Variants in ZFP62 observed in about 807,000 individuals in gnomAD.
ZFP62 encodes zinc finger protein 62 homolog.
In ZFP62, 44 loss-of-function variants were observed where a neutral mutation model predicts 56.4. The observed-to-expected ratio is 0.78, with a 90% CI of 0.61 to 1.00. The LOEUF (loss-of-function observed/expected upper bound fraction) is 1.00. ZFP62 is among the 50% of genes least tolerant of loss of function. The probability of loss-of-function intolerance (pLI) is 0.00; values close to 1 mark genes in which losing one functional copy is unlikely to be tolerated. For missense variants in ZFP62, 1,030 were observed against 1,085.7 expected (o/e 0.95, Z 0.72); for synonymous variants, 421 against 388.9 (o/e 1.08, Z -0.97).
chr5:180,845,119 G>A (rs926498234), downstream of ZFP62, among the ~76,000 whole-genome samples: 1 of 151,906 alleles, frequency 6.6e-6, no homozygotes, highest in African/African-American at 2.4e-5. Flanking sequence ...GATTACTTGA[G>A]GTCAGGAGTT....
chr5:180,851,250 T>C lies in ZFP62; in HGVS notation c.245A>G (p.Lys82Arg), dbSNP rs971900727. ...ISKAKSTANI[K>R]TEQEGEASEK... ...AGATGCCTCACCTTCCTGTTCTGTC[T>C]TTATATTTGCTGTACTCTTGGCTTT... The change falls in exon 2 of 2, where the codon AAG becomes AGG. Residue 82 changes from lysine to arginine, a missense_variant. Physicochemically the swap from Lys to Arg is conservative, Grantham distance 26 (BLOSUM62 2). Coordinates refer to ENST00000502412, the MANE Select transcript of ZFP62 (RefSeq NM_001172638.2). The C allele has an allele frequency of 1.4e-5, 21 of 1,551,556 alleles. No homozygotes were observed. Among genetic ancestry groups the C allele is most frequent in the Non-Finnish European group, 1.7e-5 (19 of 1,146,996 alleles).
intron 1 of ZFP62, among the ~76,000 whole-genome samples, chr5:180,853,045 A>G (rs1468762294): frequency 6.6e-6 from 1 of 152,218 alleles, no homozygotes; most frequent in Non-Finnish European, 1.5e-5. Flanking sequence ...TCAAAACTAC[A>G]TATGCATTTA....
At position 180,850,754 on chromosome 5, in the gene ZFP62, G is replaced by A. The variant is rs1401090323; in HGVS notation, c.741C>T (p.His247=). 6.2e-7 allele frequency: 1 copy of A among 1,606,004 alleles called. No individual in the cohort carries two copies. The highest frequency in any genetic ancestry group is 8.5e-7 in the Non-Finnish European group (1 of 1,176,022). The change falls in exon 2 of 2, where the codon CAC becomes CAT. Residue 247 remains histidine (H), a synonymous_variant. Transcript: ENST00000502412. The stretch of plus-strand genomic sequence containing the variant: ...CACATTCATAGGGCTTCTCCCCAGT[G>A]TGGATCCTTTTATGCTGGTCCAGAA... ...SSVLDQHKRI[H]TGEKPYECGE...
chr5:180,846,486 T>A (rs1581955485), downstream of ZFP62, among the ~76,000 whole-genome samples: 1 of 152,340 alleles, frequency 6.6e-6, no homozygotes, highest in Middle Eastern at 3.4e-3. Context: ...TCCCCACGAC[T>A]ACGGGGAACG....
At chr5:180,836,367 C>T in the ZFP62 span, among the ~76,000 whole-genome samples, 1 of 152,218 alleles carries the variant, frequency 6.6e-6, no homozygotes, top group Non-Finnish European at 1.5e-5. Context: ...CCTCTTTCAG[C>T]TTCCGGTGGC....
the ZFP62 span, among the ~76,000 whole-genome samples, chr5:180,838,513 GGTA>G: frequency 1.3e-5 from 2 of 152,350 alleles, no homozygotes; most frequent in East Asian, 3.9e-4. Context: ...CTGAGCATTA[GGTA>G]GTAGTAATGA....
chr5:180,842,329 TGAGAA>T, the ZFP62 span, among the ~76,000 whole-genome samples: 1 of 152,116 alleles, frequency 6.6e-6, no homozygotes, highest in African/African-American at 2.4e-5. Context: ...ACACAATGGC[TGAGAA>T]TTTACCAAAA....
At chr5:180,843,763 C>G (rs1773361319), downstream of ZFP62, among the ~76,000 whole-genome samples, 1 of 152,170 alleles carries the variant, frequency 6.6e-6, no homozygotes, top group African/African-American at 2.4e-5. Context: ...CAACGTATTA[C>G]AATCTAATGG....
At chr5:180,835,513 ACTTTGGTCTTAAGCAATTTTCTTCCT>A in the ZFP62 span, 1 of 152,174 alleles carries the variant, frequency 6.6e-6, no homozygotes, top group Non-Finnish European at 1.5e-5. Context: ...AATAACTATG[ACTTTGGTCTTAAGCAATTTTCTTCCT>A]CTGTGGATTG....
In ZFP62 at chr5:180,849,599, A is replaced by C; in HGVS notation, c.1896T>G (p.Leu632=). 6.4e-7 allele frequency: 1 copy of C among 1,552,012 alleles called. No homozygotes were observed. The highest frequency in any genetic ancestry group is 1.2e-5 in the South Asian group (1 of 84,060). The change falls in exon 2 of 2, where the codon CTT becomes CTG. Residue 632 remains leucine, a synonymous_variant. Transcript: ENST00000502412. ...CEKSFNYTSL[L]SQHRRVHTRE... The stretch of plus-strand genomic sequence containing the variant: ...TAGTGTGGACCCTTCTGTGCTGAGA[A>C]AGGAGCGATGTGTAATTAAAAGATT...
In ZFP62 at chr5:180,848,778, G is replaced by T; in HGVS notation, c.*14C>A. 6.7e-7 allele frequency: 1 copy of T among 1,493,194 alleles called. No homozygotes were observed. Among genetic ancestry groups the T allele is most frequent in the Non-Finnish European group, 8.9e-7 (1 of 1,118,408 alleles). 92.5% of individuals were successfully genotyped at this position (1,493,194 alleles called of 1,614,324 possible). On this transcript the variant is annotated 3_prime_UTR_variant, in exon 2 of 2. Coordinates refer to ENST00000502412, the MANE Select transcript of ZFP62 (RefSeq NM_001172638.2). ...TTCCATTTGAGTTCGGAGAGACTTG[G>T]TAAGCTCTGCCTGCTACAGAGGCAT...
rs1199294180 is a variant in ZFP62 at position 180,851,166 on chromosome 5, T to C, written c.329A>G (p.Gln110Arg). 2 of 1,551,754 alleles carry C rather than the reference T, an allele frequency of 1.3e-6. No individual in the cohort carries two copies. Among genetic ancestry groups the C allele is most frequent in the East Asian group, 2.4e-5 (1 of 40,930 alleles). ...HITHQTMPIG[Q>R]RGSEQGKRVE... Reference sequence around the variant, plus strand: ...ACGTTTGCCTTGCTCACTGCCTCTCTGTCCTATAGGCATAGTCTGGTGTGT... The same window carrying C: ...ACGTTTGCCTTGCTCACTGCCTCTCCGTCCTATAGGCATAGTCTGGTGTGT... The change falls in exon 2 of 2, where the codon CAG becomes CGG. Residue 110 changes from glutamine (Q) to arginine (R), a missense_variant. Transcript: ENST00000502412.
In ZFP62 at chr5:180,861,200, C is replaced by T; in HGVS notation, c.1+19G>A. On this transcript the variant is annotated intron_variant, in intron 1 of 1. Transcript: ENST00000502412. ...CAAGGGCCGGGGGCGGGAGCGCGGG[C>T]GGCCGCGGACTCACGTACTGGCTGT... is the stretch of plus-strand genomic sequence containing the variant. 2.5e-6 allele frequency: 1 copy of T among 398,300 alleles called. No individual in the cohort carries two copies. Among genetic ancestry groups the T allele is most frequent in the Non-Finnish European group, 4.4e-6 (1 of 225,792 alleles). The allele number at this position is 398,300 out of a possible 1,614,324, so 24.7% of individuals were successfully genotyped here. A position where few individuals can be genotyped will look rare whatever the true frequency, so the allele number is the denominator to read the frequency against.
chr5:180,850,746 TC>T lies in ZFP62; in HGVS notation c.748del (p.Glu250ArgfsTer132). On this transcript the variant is annotated frameshift_variant, in exon 2 of 2. Transcript: ENST00000502412. LOFTEE classifies it high-confidence loss of function. ...ACACTCACCACATTCATAGGGCTTC[TC>T]CCCAGTGTGGATCCTTTTATGCTGG... ...LDQHKRIHTG[E>X]KPYECGECGK... 1 of 1,606,784 alleles carries T rather than the reference TC, an allele frequency of 6.2e-7. No homozygotes were observed. Among genetic ancestry groups the T allele is most frequent in the Non-Finnish European group, 8.5e-7 (1 of 1,176,412 alleles).
chr5:180,831,466 C>T, the ZFP62 span: 1 of 151,686 alleles, frequency 6.6e-6, no homozygotes, highest in African/African-American at 2.4e-5. Flanking sequence ...GGCTGGAGGG[C>T]AATGGCGCCG....
chr5:180,855,120 A>C (rs1773901953), intron 1 of ZFP62, among the ~76,000 whole-genome samples: 1 of 152,246 alleles, frequency 6.6e-6, no homozygotes, highest in African/African-American at 2.4e-5. Flanking sequence ...AATTACCTAC[A>C]AATGGTTTAG....
In ZFP62 at chr5:180,849,040, T is replaced by C. The variant is rs1465406804; in HGVS notation, c.2455A>G (p.Lys819Glu). 1 of 1,552,236 alleles carries C rather than the reference T, an allele frequency of 6.4e-7. No individual in the cohort carries two copies. The highest frequency in any genetic ancestry group is 8.7e-7 in the Non-Finnish European group (1 of 1,147,110). Residue 819 changes from lysine to glutamate, a missense_variant, in exon 2 of 2, where the codon AAA (lysine) becomes GAA (glutamate). By Grantham distance (56) the Lys-to-Glu change is moderately conservative (BLOSUM62 1). Coordinates refer to ENST00000502412, the MANE Select transcript of ZFP62 (RefSeq NM_001172638.2). ...GKQPYNCECGKSFNYRSVLDQ... is the reference protein window; with the variant it reads ...GKQPYNCECGESFNYRSVLDQ... ...AGGACTGATCTATAATTGAAGGATT[T>C]CCCACACTCACAATTATAGGGCTGC...
downstream of ZFP62, among the ~76,000 whole-genome samples, chr5:180,845,260 G>A (rs1026401428): frequency 2.1e-5 from 3 of 146,094 alleles, no homozygotes; most frequent in African/African-American, 7.7e-5. Flanking sequence ...CTTGAGCTCA[G>A]GAGGTGGAGA....
intron 1 of ZFP62, among the ~76,000 whole-genome samples, chr5:180,858,872 G>A (rs896210761): frequency 2.0e-5 from 3 of 152,196 alleles, no homozygotes; most frequent in African/African-American, 7.2e-5. Context: ...TCAACACGCA[G>A]CATGAGTCTA....
Sources: gnomAD v4.1 joint callset for allele counts (sites outside exome capture counted in the v4.1 genomes callset) on GRCh38, gnomAD v4.1.1 for gene constraint, MANE v1.5 for transcripts, NCBI Gene and HGNC (gene_info 2026-07-23, HGNC 2026-07-21) for gene names.